Variants in PATJ observed in about 807,000 individuals in gnomAD.
PATJ encodes PATJ crumbs cell polarity complex component.
Under a neutral mutation model 224.9 loss-of-function variants are expected in PATJ, and 190 were observed. The observed-to-expected ratio is 0.84, with a 90% CI of 0.75 to 0.95. PATJ has a LOEUF of 0.95. Among genes scored for constraint, PATJ ranks in the 40% least tolerant of loss-of-function variants. The probability of loss-of-function intolerance (pLI) is 0.00; values close to 1 mark genes in which losing one functional copy is unlikely to be tolerated. For missense variants in PATJ, 2,121 were observed against 2,270.3 expected, an observed-to-expected ratio of 0.93 and a Z score of 1.34; for synonymous variants, 769 against 820.3, an observed-to-expected ratio of 0.94 and a Z score of 1.07.
chr1:61,802,005 T>C (rs925872910), intron 12 of PATJ, among the ~76,000 whole-genome samples: 3 of 151,900 alleles, frequency 2.0e-5, no homozygotes, highest in Non-Finnish European at 4.4e-5. Flanking sequence ...GTTACATATG[T>C]ATACATGTGC....
intron 28 of PATJ, among the ~76,000 whole-genome samples, chr1:61,990,783 G>A (rs1390595738): frequency 1.3e-5 from 2 of 152,116 alleles, no homozygotes; most frequent in African/African-American, 4.8e-5. Flanking sequence ...GAGCCAACAA[G>A]AGCCTGTGAA....
chr1:61,749,492 T>C (rs1435246050), intron 1 of PATJ, among the ~76,000 whole-genome samples: 2 of 152,208 alleles, frequency 1.3e-5, no homozygotes, highest in East Asian at 3.8e-4. Context: ...AAGTTGATTA[T>C]TGAAGTACAC....
intron 28 of PATJ, among the ~76,000 whole-genome samples, chr1:62,001,159 A>G (rs1478546846): frequency 6.6e-6 from 1 of 150,676 alleles, no homozygotes; most frequent in East Asian, 1.9e-4. Flanking sequence ...CTCTGATGGT[A>G]GTTTCTTTTG....
At chr1:61,812,379 A>AATGTGAGTGAGT (rs1323206247) in intron 14 of PATJ, among the ~76,000 whole-genome samples, 1 of 111,740 alleles carries the variant, frequency 8.9e-6, no homozygotes, top group South Asian at 2.9e-4. Flanking sequence ...AGAGAGAGAG[A>AATGTGAGTGAGT]GAGAGAGAGA....
chr1:61,800,941 C>A (rs1465559533), intron 11 of PATJ, among the ~76,000 whole-genome samples: 1 of 152,240 alleles, frequency 6.6e-6, no homozygotes, highest in South Asian at 2.1e-4. Context: ...AGTGTTCCAT[C>A]GTGTATATGT....
At chr1:62,004,284 A>G (rs1645964896) in intron 28 of PATJ, among the ~76,000 whole-genome samples, 1 of 152,204 alleles carries the variant, frequency 6.6e-6, no homozygotes. Context: ...AATACATGGC[A>G]GCTATGATGA....
chr1:61,916,049 T>C (rs1673417524), intron 26 of PATJ, among the ~76,000 whole-genome samples: 1 of 152,178 alleles, frequency 6.6e-6, no homozygotes. Flanking sequence ...GGTATTTTAT[T>C]TTGCTATTTA....
intron 32 of PATJ, among the ~76,000 whole-genome samples, chr1:62,083,202 C>T (rs1220798917): frequency 6.6e-6 from 1 of 152,244 alleles, no homozygotes; most frequent in Non-Finnish European, 1.5e-5. Context: ...TCTCAGCTCA[C>T]TGCAACCTCT....
In PATJ at chr1:62,018,302, A is replaced by G. The variant is rs182215650; in HGVS notation, c.3959+355A>G. 1.3e-5 allele frequency among the ~76,000 whole-genome samples: 2 copies of G among 152,304 alleles called. No individual in the cohort carries two copies. The highest frequency in any genetic ancestry group is 3.9e-4 in the East Asian group (2 of 5,190). ...CATTTGCTGAATCATTAATGTCTTC[A>G]TTAAAGAACAAACAGGAAAACAGAA... On this transcript the variant is annotated intron_variant, in intron 29 of 43. Transcript: ENST00000642238. This position sits in a 1 kb window ranked among gnomAD's most constrained non-coding sequence, Gnocchi z 4.2.
chr1:61,964,789 TAAAAAA>T (rs1162815276), intron 27 of PATJ, among the ~76,000 whole-genome samples: 1 of 151,392 alleles, frequency 6.6e-6, no homozygotes, highest in Non-Finnish European at 1.5e-5. Context: ...CCTCAACTCT[TAAAAAA>T]GAAAAAGAAA....
intron 17 of PATJ, among the ~76,000 whole-genome samples, chr1:61,853,235 A>G (rs1343472849): frequency 6.6e-6 from 1 of 152,184 alleles, no homozygotes; most frequent in Admixed American, 6.5e-5. Flanking sequence ...CAAGGGTAGA[A>G]GTCTATTTCC....
intron 28 of PATJ, among the ~76,000 whole-genome samples, chr1:61,990,648 AAATT>A (rs1645009148): frequency 6.6e-6 from 1 of 152,184 alleles, no homozygotes; most frequent in Admixed American, 6.5e-5. Flanking sequence ...TAAGTATTCA[AAATT>A]AATTTGTATA....
intron 1 of PATJ, among the ~76,000 whole-genome samples, chr1:61,761,829 G>C (rs944137751): frequency 6.6e-6 from 1 of 152,036 alleles, no homozygotes; most frequent in Non-Finnish European, 1.5e-5. Context: ...GGGACTATGG[G>C]TATGTGCCAC....
intron 14 of PATJ, among the ~76,000 whole-genome samples, chr1:61,810,114 T>G (rs1557683529): frequency 6.6e-6 from 1 of 151,696 alleles, no homozygotes; most frequent in Non-Finnish European, 1.5e-5. Flanking sequence ...CCTCCCAGAG[T>G]GCTGGGATTA....
intron 38 of PATJ, among the ~76,000 whole-genome samples, chr1:62,122,255 C>T (rs1315561899): frequency 2.0e-5 from 3 of 149,602 alleles, no homozygotes; most frequent in Non-Finnish European, 3.0e-5. Context: ...ATCCCAGCTA[C>T]TTGGGAGGCT....
chr1:61,883,949 A>AT (rs1198530751), intron 21 of PATJ, among the ~76,000 whole-genome samples: 2 of 138,670 alleles, frequency 1.4e-5, no homozygotes, highest in Non-Finnish European at 3.1e-5. Flanking sequence ...GTAAGATTAG[A>AT]TTTTTTAGTA....
chr1:61,954,800 C>A (rs1680212890), intron 27 of PATJ, among the ~76,000 whole-genome samples: 1 of 143,708 alleles, frequency 7.0e-6, no homozygotes, highest in South Asian at 2.2e-4. Context: ...GTTGCCCAGG[C>A]TGGAGTGCAG....
chr1:61,757,963 C>T (rs1209324237), intron 1 of PATJ, among the ~76,000 whole-genome samples: 2 of 152,142 alleles, frequency 1.3e-5, no homozygotes, highest in East Asian at 3.9e-4. Context: ...AACTCTTCTT[C>T]TAGAAACCTA....
chr1:61,812,433 A>AGAGTGTGTGTGTGTGTGTGTGTGT (rs1397549346), intron 14 of PATJ, among the ~76,000 whole-genome samples: 2 of 85,150 alleles, frequency 2.3e-5, no homozygotes, highest in Non-Finnish European at 4.7e-5. Context: ...AGAGAGAGAG[A>AGAGTGTGTGTGTGTGTGTGTGTGT]GTGTGTGTGT....
Sources: gnomAD v4.1 joint callset for allele counts (sites outside exome capture counted in the v4.1 genomes callset) on GRCh38, gnomAD v4.1.1 for gene constraint, Gnocchi (gnomAD v3.1) non-coding constraint, MANE v1.5 for transcripts, NCBI Gene and HGNC (gene_info 2026-07-23, HGNC 2026-07-21) for gene names.